A4GALT: variants seen among roughly 807,000 people sequenced by gnomAD.
The protein encoded by A4GALT is alpha 1,4-galactosyltransferase (P1PK blood group), also known as lactosylceramide 4-alpha-galactosyltransferase.
For synonymous variants in A4GALT, 257 were observed against 220.7 expected, an observed-to-expected ratio of 1.16 and a Z score of -1.46; for missense variants, 512 against 486.0, an observed-to-expected ratio of 1.05 and a Z score of -0.50.
intron 1 of A4GALT, among the ~76,000 whole-genome samples, chr22:42,712,948 TC>T (rs1021385413): frequency 6.6e-6 from 1 of 151,806 alleles, no homozygotes. Context: ...GTGCTCATTC[TC>T]CCCCCGCTCC....
At chr22:42,703,458 C>G (rs1288374857) in intron 1 of A4GALT, among the ~76,000 whole-genome samples, 5 of 151,768 alleles carry the variant, frequency 3.3e-5, no homozygotes, top group Non-Finnish European at 5.9e-5. Flanking sequence ...GTTTCACCAT[C>G]TTGGCCAGGC....
chr22:42,714,883 G>A (rs1922030124), intron 1 of A4GALT, among the ~76,000 whole-genome samples: 1 of 152,168 alleles, frequency 6.6e-6, no homozygotes, highest in African/African-American at 2.4e-5. Flanking sequence ...GTTAGGGGGT[G>A]CTGCTCTGAA....
In A4GALT at chr22:42,693,508, C is replaced by T. The variant is rs374341081; in HGVS notation, c.444G>A (p.Glu148=). The T allele has an allele frequency of 3.7e-6, 6 of 1,613,146 alleles. No individual in the cohort carries two copies. In the African/African-American group the frequency reaches 5.3e-5, roughly 14 times the overall value. Residue 148 remains glutamate, a synonymous_variant, in exon 3 of 3, where the codon GAG becomes GAA. Coordinates refer to ENST00000642412, the MANE Select transcript of A4GALT (RefSeq NM_017436.7). ...NVQMLPLDLR[E]LFRDTPLADW... ...CGGCCAGGGGTGTGTCCCGGAACAG[C>T]TCCCGCAGGTCCAGCGGGAGCATCT...
At chr22:42,703,134 G>GTGTGTGTGTGTGTGTGTA (rs1252750385) in intron 1 of A4GALT, among the ~76,000 whole-genome samples, 5 of 150,840 alleles carry the variant, frequency 3.3e-5, no homozygotes, top group African/African-American at 1.2e-4. Context: ...GTGTGTGTGT[G>GTGTGTGTGTGTGTGTGTA]TGTGTGTGTT....
At chr22:42,711,058 C>T (rs1921649336) in intron 1 of A4GALT, among the ~76,000 whole-genome samples, 1 of 150,674 alleles carries the variant, frequency 6.6e-6, no homozygotes, top group Non-Finnish European at 1.5e-5. Context: ...CCTGGGACAA[C>T]TTAAATGCAG....
chr22:42,698,907 C>T (rs1931116852), intron 1 of A4GALT, among the ~76,000 whole-genome samples: 1 of 151,700 alleles, frequency 6.6e-6, no homozygotes, highest in African/African-American at 2.4e-5. Context: ...CTGCTACACT[C>T]CCACCAGCAC....
At chr22:42,696,825 C>A (rs763372157) in intron 1 of A4GALT, among the ~76,000 whole-genome samples, 1 of 151,468 alleles carries the variant, frequency 6.6e-6, no homozygotes, top group African/African-American at 2.4e-5. Flanking sequence ...CACACCTGGC[C>A]GCCTGTTTTT....
chr22:42,708,138 A>C (rs537006720), intron 1 of A4GALT, among the ~76,000 whole-genome samples: 21 of 151,766 alleles, frequency 1.4e-4, no homozygotes, highest in African/African-American at 5.1e-4. Flanking sequence ...CTGTAATCCC[A>C]GCACTTTGGG....
In A4GALT at chr22:42,706,354, CAA is replaced by C. The variant is rs1164664187; in HGVS notation, c.-187-10725_-187-10724del. Among the ~76,000 whole-genome samples the C allele has an allele frequency of 2.1e-3, 174 of 83,808 alleles. 4 individuals are homozygous for C. The highest frequency in any genetic ancestry group is 3.5e-3 in the African/African-American group (71 of 20,208). 55.0% of individuals were successfully genotyped at this position (83,808 alleles called of 152,430 possible). ...TGGGTGACAGAGCGAGACTCCATCC[CAA>C]AAAAAAAAAAAAAAAAAAAAAGTTT... On this transcript the variant is annotated intron_variant, in intron 1 of 2. Coordinates refer to ENST00000642412, the MANE Select transcript of A4GALT (RefSeq NM_017436.7).
chr22:42,693,646 G>C lies in A4GALT; in HGVS notation c.306C>G (p.Ala102=), dbSNP rs377301330. 255 of 1,613,318 alleles carry C rather than the reference G, an allele frequency of 1.6e-4. 1 individual carries two copies. The highest frequency in any genetic ancestry group is 2.1e-4 in the Non-Finnish European group (246 of 1,179,940). Residue 102 remains alanine, a synonymous_variant, in exon 3 of 3, where the codon GCC becomes GCG. Coordinates refer to ENST00000642412, the MANE Select transcript of A4GALT (RefSeq NM_017436.7). ...FLFMCSVESA[A]RTHPESHVLV... Reference sequence around the variant, plus strand: ...GCACGTGGGATTCGGGGTGAGTTCTGGCGGCCGACTCCACCGAGCACATGA... The same window carrying C: ...GCACGTGGGATTCGGGGTGAGTTCTCGCGGCCGACTCCACCGAGCACATGA...
Position 42,703,936 on chromosome 22 carries a change from T to C in A4GALT, c.-187-8305A>G, listed in dbSNP as rs28992194. On this transcript the variant is annotated intron_variant, in intron 1 of 2. Transcript: ENST00000642412. ...CTGCTAAGATTTGGCAACGTGACCTTGGACCCACCTCTGCCCCTCCCTGGG... is the reference window on the plus strand; with the variant it reads ...CTGCTAAGATTTGGCAACGTGACCTCGGACCCACCTCTGCCCCTCCCTGGG... 7.0e-4 allele frequency among the ~76,000 whole-genome samples: 106 copies of C among 152,234 alleles called. 1 individual carries two copies. The highest frequency in any genetic ancestry group is 2.4e-3 in the African/African-American group (100 of 41,540).
Position 42,693,839 on chromosome 22 carries a change from A to C in A4GALT, c.113T>G (p.Ile38Ser). Residue 38 changes from isoleucine to serine, a missense_variant, in exon 3 of 3, where the codon ATC (isoleucine) becomes AGC (serine). Coordinates refer to ENST00000642412, the MANE Select transcript of A4GALT (RefSeq NM_017436.7). ...GGGCTCTCCCACAACGTGCCAGTAG[A>C]TCATGATGGAGACGAAAAACGTGAA... ...FKFTFFVSIMIYWHVVGEPKE... is the reference protein window; with the variant it reads ...FKFTFFVSIMSYWHVVGEPKE... The C allele has an allele frequency of 6.2e-7, 1 of 1,609,664 alleles. No individual in the cohort carries two copies. Among genetic ancestry groups the C allele is most frequent in the South Asian group, 1.1e-5 (1 of 90,354 alleles).
chr22:42,700,387 G>A (rs1467070371), intron 1 of A4GALT, among the ~76,000 whole-genome samples: 1 of 152,166 alleles, frequency 6.6e-6, no homozygotes, highest in African/African-American at 2.4e-5. Flanking sequence ...CCAGGAACTG[G>A]AACTCCAGGA....
intron 1 of A4GALT, among the ~76,000 whole-genome samples, chr22:42,705,300 A>G (rs1920985247): frequency 6.6e-6 from 1 of 152,158 alleles, no homozygotes; most frequent in Non-Finnish European, 1.5e-5. Flanking sequence ...AAGAAAATTC[A>G]CTATGAAAAT....
At chr22:42,708,357 A>G (rs1921347386) in intron 1 of A4GALT, among the ~76,000 whole-genome samples, 1 of 152,022 alleles carries the variant, frequency 6.6e-6, no homozygotes, top group Non-Finnish European at 1.5e-5. Context: ...TAGCCTGGGC[A>G]ACAAAAGCGA....
At chr22:42,710,350 G>T (rs891536149) in intron 1 of A4GALT, among the ~76,000 whole-genome samples, 111 of 152,160 alleles carry the variant, frequency 7.3e-4, no homozygotes, top group African/African-American at 2.5e-3. Context: ...AGAAGACCCC[G>T]CTTACAACAA....
At position 42,693,152 on chromosome 22, in the gene A4GALT, A is replaced by T; in HGVS notation, c.800T>A (p.Leu267Gln). 1 of 1,599,142 alleles carries T rather than the reference A, an allele frequency of 6.3e-7. No individual in the cohort carries two copies. Among genetic ancestry groups the T allele is most frequent in the Non-Finnish European group, 8.5e-7 (1 of 1,173,942 alleles). ...VFKKWCSIRSLAESRACRGVT... is the reference protein window; with the variant it reads ...VFKKWCSIRSQAESRACRGVT... The stretch of plus-strand genomic sequence containing the variant: ...GCCGCGGCAGGCGCGGCTCTCGGCC[A>T]GGCTGCGGATGGAACACCACTTCTT... The change falls in exon 3 of 3, where the codon CTG (leucine) becomes CAG (glutamine). Residue 267 changes from leucine to glutamine, a missense_variant. By Grantham distance (113) the Leu-to-Gln change is moderately radical. Coordinates refer to ENST00000642412, the MANE Select transcript of A4GALT (RefSeq NM_017436.7).
At chr22:42,717,616 G>A (rs1486526837) in intron 1 of A4GALT, among the ~76,000 whole-genome samples, 2 of 152,066 alleles carry the variant, frequency 1.3e-5, no homozygotes, top group Non-Finnish European at 2.9e-5. Context: ...GGGCCTGAGG[G>A]AGCTGAGCTC....
At chr22:42,698,001 G>A (rs943264130) in intron 1 of A4GALT, among the ~76,000 whole-genome samples, 8 of 151,686 alleles carry the variant, frequency 5.3e-5, no homozygotes, top group Middle Eastern at 3.2e-3. Context: ...CTGTAATCCC[G>A]GCACTTTGGG....
Sources: gnomAD v4.1 joint callset for allele counts (sites outside exome capture counted in the v4.1 genomes callset) on GRCh38, gnomAD v4.1.1 for gene constraint, MANE v1.5 for transcripts, NCBI Gene and HGNC (gene_info 2026-07-23, HGNC 2026-07-21) for gene names.